The following DNAH11 variants were observed in gnomAD, a reference collection of about 807,000 sequenced individuals.
DNAH11 encodes the protein dynein axonemal heavy chain 11.
DNAH11 carries 442 observed loss-of-function variants against 526.0 expected under a neutral mutation model. The observed-to-expected ratio is 0.84, with a 90% confidence interval of 0.78 to 0.91. The LOEUF (loss-of-function observed/expected upper bound fraction) is 0.91. Among genes scored for constraint, DNAH11 ranks in the 40% least tolerant of loss-of-function variants. The pLI, the probability that DNAH11 is intolerant of heterozygous loss-of-function variation, is 0.00. For synonymous variants in DNAH11, 2,461 were observed against 1,935.9 expected, an observed-to-expected ratio of 1.27 and a Z score of -7.12; for missense variants, 6,989 against 5,448.7, an observed-to-expected ratio of 1.28 and a Z score of -8.90.
intron 63 of DNAH11, among the ~76,000 whole-genome samples, chr7:21,814,665 G>A (rs10254298): frequency 0.42 from 64,312 of 151,586 alleles, 14,615 homozygotes; most frequent in East Asian, 0.82. Context: ...TTGTACTACA[G>A]CATTATGATG....
chr7:21,786,341 A>T (rs1788190083), intron 58 of DNAH11, among the ~76,000 whole-genome samples: 1 of 149,350 alleles, frequency 6.7e-6, no homozygotes, highest in East Asian at 2.0e-4. Context: ...TCCTGGCCTC[A>T]GTGAGCAGGG....
chr7:21,602,456 G>A (rs1195473416), intron 18 of DNAH11, among the ~76,000 whole-genome samples: 1 of 152,080 alleles, frequency 6.6e-6, no homozygotes, highest in Non-Finnish European at 1.5e-5. Context: ...AAAGATTTGG[G>A]GGCTTTTTAA....
At chr7:21,661,358 A>G (rs1782235663) in intron 30 of DNAH11, among the ~76,000 whole-genome samples, 1 of 151,964 alleles carries the variant, frequency 6.6e-6, no homozygotes, top group African/African-American at 2.4e-5. Context: ...TGCAGTGGTG[A>G]ATTGTTACAG....
chr7:21,901,500 C>A lies in DNAH11; in HGVS notation c.*246C>A. 1 of 363,052 alleles carries A rather than the reference C, an allele frequency of 2.8e-6. No individual in the cohort carries two copies. The allele number at this position is 363,052 out of a possible 1,614,324, so 22.5% of individuals were successfully genotyped here. On this transcript the variant is annotated 3_prime_UTR_variant, in exon 82 of 82. Transcript: ENST00000409508. ...AGGAGAATCACTTGAACCTAGGAGG[C>A]AAAGGTTGCAGTGAGCCGAGGTTGC...
intron 25 of DNAH11, among the ~76,000 whole-genome samples, chr7:21,627,264 C>G (rs964171968): frequency 1.8e-4 from 27 of 152,162 alleles, no homozygotes; most frequent in African/African-American, 5.8e-4. Context: ...TGTGCAGAAG[C>G]ATTTTGTCTT....
intron 28 of DNAH11, among the ~76,000 whole-genome samples, chr7:21,655,179 A>T: frequency 6.6e-6 from 1 of 152,050 alleles, no homozygotes; most frequent in East Asian, 1.9e-4. Context: ...ACACCAGAAG[A>T]ACTTGATCTT....
chr7:21,564,222 G>C lies in DNAH11; in HGVS notation c.1019G>C (p.Arg340Thr), dbSNP rs760863273. 7.5e-6 allele frequency: 12 copies of C among 1,605,738 alleles called. No individual in the cohort carries two copies. Among genetic ancestry groups the C allele is most frequent in the Non-Finnish European group, 1.0e-5 (12 of 1,176,386 alleles). Residue 340 changes from arginine (R) to threonine (T), a missense_variant, in exon 6 of 82, where the codon AGA (arginine) becomes ACA (threonine). Arg to Thr is a moderately conservative substitution (Grantham distance 71). Transcript: ENST00000409508. ...GCCCAAGATGTGGAACTTTACCTGA[G>C]ACCTCTGAGGAGACACATCCAGTGT... ...LEAQDVELYL[R>T]PLRRHIQCLQ... is the part of the protein sequence containing the mutation.
intron 71 of DNAH11, 99 bp from the exon 72 acceptor site, chr7:21,867,760 A>G (rs1035288404): frequency 9.3e-7 from 1 of 1,073,486 alleles, no homozygotes; most frequent in African/African-American, 1.6e-5. Context: ...AAACCTGGTT[A>G]CTTCTATCGT....
intron 18 of DNAH11, among the ~76,000 whole-genome samples, chr7:21,603,781 A>T (rs1277207614): frequency 6.6e-6 from 1 of 152,222 alleles, no homozygotes; most frequent in Admixed American, 6.5e-5. Flanking sequence ...TATTCCTTGA[A>T]TCAGATGTTG....
At chr7:21,847,473 C>T (rs1489646702) in intron 66 of DNAH11, among the ~76,000 whole-genome samples, 2 of 152,150 alleles carry the variant, frequency 1.3e-5, no homozygotes, top group African/African-American at 2.4e-5. Context: ...GTTGTTTAAT[C>T]TCCAAATATT....
At chr7:21,671,527 A>T (rs913511657) in intron 30 of DNAH11, among the ~76,000 whole-genome samples, 1 of 151,854 alleles carries the variant, frequency 6.6e-6, no homozygotes, top group African/African-American at 2.4e-5. Flanking sequence ...TGGGGTTCGT[A>T]ATTTATTTTT....
intron 1 of DNAH11, 53 bp downstream of exon 1, chr7:21,543,649 A>G: frequency 6.5e-7 from 1 of 1,528,366 alleles, no homozygotes; most frequent in Non-Finnish European, 8.8e-7. Context: ...TACCCAGGGG[A>G]GACAGCCCAG....
intron 62 of DNAH11, among the ~76,000 whole-genome samples, 162 bp from the exon 63 acceptor site, chr7:21,807,721 A>G (rs913165999): frequency 3.3e-5 from 5 of 152,202 alleles, no homozygotes; most frequent in African/African-American, 7.2e-5. Flanking sequence ...TGGATTTCAA[A>G]CACATGAAAG....
intron 45 of DNAH11, 134 bp downstream of exon 45, chr7:21,726,118 G>A: frequency 1.1e-6 from 1 of 893,806 alleles, no homozygotes; most frequent in Admixed American, 3.6e-5. Context: ...GAAGCATGAT[G>A]CTGGCATCTG....
chr7:21,835,224 A>C (rs1781946143), intron 65 of DNAH11, among the ~76,000 whole-genome samples: 1 of 121,506 alleles, frequency 8.2e-6, no homozygotes, highest in Non-Finnish European at 1.7e-5. Flanking sequence ...AGACTATTCC[A>C]AAAAAAAAAA....
chr7:21,618,814 T>A (rs1785904297), intron 23 of DNAH11, among the ~76,000 whole-genome samples: 1 of 152,122 alleles, frequency 6.6e-6, no homozygotes, highest in Non-Finnish European at 1.5e-5. Flanking sequence ...ATGGGTTTTG[T>A]GGGCAAAGGA....
At chr7:21,579,683 C>CT in intron 8 of DNAH11, among the ~76,000 whole-genome samples, 1 of 152,106 alleles carries the variant, frequency 6.6e-6, no homozygotes, top group Admixed American at 6.6e-5. Context: ...GTAGATTATG[C>CT]TAAGACCTTT....
intron 54 of DNAH11, among the ~76,000 whole-genome samples, chr7:21,759,185 G>A (rs1236576603): frequency 1.3e-5 from 2 of 152,030 alleles, no homozygotes; most frequent in African/African-American, 2.4e-5. Flanking sequence ...CTATCTATTG[G>A]GATTCCACAC....
rs554866846 is a variant in DNAH11, at chr7:21,553,010, A to G, written c.496-5792A>G. 5.7e-5 allele frequency among the ~76,000 whole-genome samples: 8 copies of G among 140,704 alleles called. No individual in the cohort carries two copies. The South Asian group carries it at 1.3e-3, about 24-fold the overall frequency. 92.3% of individuals were successfully genotyped at this position (140,704 alleles called of 152,430 possible). On this transcript the variant is annotated intron_variant, in intron 2 of 81. Transcript: ENST00000409508. ...GTGACATGCAGGGTTTTAATAGTCCATTTTTCATTAATCCCTTTATTACTA... is the reference window on the plus strand; with the variant it reads ...GTGACATGCAGGGTTTTAATAGTCCGTTTTTCATTAATCCCTTTATTACTA...
Sources: allele counts gnomAD v4.1 joint callset (sites outside exome capture counted in the v4.1 genomes callset), GRCh38; gene constraint gnomAD v4.1.1; transcripts MANE v1.5; gene names NCBI Gene and HGNC (gene_info 2026-07-23, HGNC 2026-07-21).